Variants in NTRK3 observed in about 807,000 individuals in gnomAD.
The protein encoded by NTRK3 is NT-3 growth factor receptor.
In NTRK3, 24 loss-of-function variants were observed where a neutral mutation model predicts 91.7. The ratio of observed to expected loss-of-function variants is 0.26; its 90% CI spans 0.19 to 0.37. NTRK3 has a LOEUF of 0.37. NTRK3 is among the 10% of genes least tolerant of loss of function. The pLI is 1.00. For missense variants in NTRK3, 880 were observed against 1,068.9 expected, an observed-to-expected ratio of 0.82 and a Z score of 2.46; for synonymous variants, 483 against 404.0, an observed-to-expected ratio of 1.20 and a Z score of -2.34.
chr15:88,085,575 A>G (rs559997961), intron 13 of NTRK3, among the ~76,000 whole-genome samples: 1 of 152,314 alleles, frequency 6.6e-6, no homozygotes, highest in Admixed American at 6.5e-5. Context: ...AAACCCAGCC[A>G]ACCCACAGGC....
intron 11 of NTRK3, among the ~76,000 whole-genome samples, chr15:88,127,779 C>T (rs1330475990): frequency 6.6e-6 from 1 of 152,172 alleles, no homozygotes; most frequent in East Asian, 1.9e-4. Context: ...GATTTCAGAA[C>T]ACAAGGGCAG....
chr15:88,004,996 A>G (rs535394040), intron 14 of NTRK3, among the ~76,000 whole-genome samples: 8 of 152,324 alleles, frequency 5.3e-5, no homozygotes, highest in African/African-American at 1.9e-4. Context: ...TACAGATGAG[A>G]AAAATGAGGC....
At chr15:88,202,163 T>C (rs1004489131) in intron 3 of NTRK3, among the ~76,000 whole-genome samples, 43 of 152,308 alleles carry the variant, frequency 2.8e-4, no homozygotes, top group African/African-American at 1.0e-3. Flanking sequence ...TTCCTCCTGG[T>C]CTTCGTTTCT....
intron 13 of NTRK3, among the ~76,000 whole-genome samples, chr15:88,096,343 A>G (rs2049597365): frequency 6.6e-6 from 1 of 152,166 alleles, no homozygotes; most frequent in African/African-American, 2.4e-5. Flanking sequence ...GGCTTATATA[A>G]AAGAATATGG....
chr15:88,169,718 C>G (rs1000149164), intron 5 of NTRK3, among the ~76,000 whole-genome samples: 2 of 152,184 alleles, frequency 1.3e-5, no homozygotes, highest in Admixed American at 1.3e-4. Context: ...TCCCACAGGC[C>G]TAGGCCCTGC....
intron 16 of NTRK3, among the ~76,000 whole-genome samples, chr15:87,932,428 T>G (rs1414145387): frequency 6.6e-6 from 1 of 152,212 alleles, no homozygotes; most frequent in Non-Finnish European, 1.5e-5. Flanking sequence ...CTTTAATTAA[T>G]GTAAATCTAA....
At chr15:88,008,736 C>T (rs956627673) in intron 14 of NTRK3, among the ~76,000 whole-genome samples, 19 of 152,028 alleles carry the variant, frequency 1.2e-4, no homozygotes, top group South Asian at 2.1e-4. Context: ...ATTAAACAGA[C>T]GCTACAATTC....
intron 6 of NTRK3, among the ~76,000 whole-genome samples, chr15:88,141,480 G>A (rs912016957): frequency 6.6e-6 from 1 of 152,216 alleles, no homozygotes; most frequent in East Asian, 1.9e-4. Flanking sequence ...TGGCCACCCT[G>A]CTAGAATGAC....
intron 14 of NTRK3, chr15:87,979,489 A>C: frequency 1.3e-6 from 2 of 1,558,134 alleles, no homozygotes; most frequent in Non-Finnish European, 1.8e-6. Flanking sequence ...AGAAAAAAAA[A>C]CAGAAAAAAG....
In NTRK3 at chr15:88,198,552, T is replaced by C. The variant is rs74027800; in HGVS notation, c.249-14253A>G. 3.7e-3 allele frequency among the ~76,000 whole-genome samples: 559 copies of C among 152,360 alleles called. 1 individual carries two copies. The highest frequency in any genetic ancestry group is 0.013 in the African/African-American group (530 of 41,574). On this transcript the variant is annotated intron_variant, in intron 3 of 18. Transcript: ENST00000394480. ...CTGAGAAATTTTTCTAGGTGGCTGC[T>C]GATGTATGTATGTAATCCTGTCACC...
At chr15:87,987,185 C>T (rs1052614985) in intron 14 of NTRK3, among the ~76,000 whole-genome samples, 7 of 152,176 alleles carry the variant, frequency 4.6e-5, no homozygotes, top group Non-Finnish European at 7.3e-5. Flanking sequence ...GAAGAGATCC[C>T]TAAATTTAGT....
intron 3 of NTRK3, among the ~76,000 whole-genome samples, chr15:88,227,019 G>A (rs772330896): frequency 6.6e-6 from 1 of 152,202 alleles, no homozygotes; most frequent in Non-Finnish European, 1.5e-5. Flanking sequence ...TACAGAGATA[G>A]AGGATGCTCT....
At chr15:88,219,346 T>C (rs1158339332) in intron 3 of NTRK3, among the ~76,000 whole-genome samples, 2 of 152,246 alleles carry the variant, frequency 1.3e-5, no homozygotes, top group Non-Finnish European at 2.9e-5. Context: ...GACAGCCCCC[T>C]GAAACCCACA....
At chr15:88,056,195 TATATATA>T (rs1415824102) in intron 13 of NTRK3, among the ~76,000 whole-genome samples, 120 of 98,566 alleles carry the variant, frequency 1.2e-3, no homozygotes, top group African/African-American at 3.0e-3. Flanking sequence ...TATATATATA[TATATATA>T]TTTTTTTTTT....
chr15:87,973,538 G>T (rs1472469737), intron 14 of NTRK3, among the ~76,000 whole-genome samples: 3 of 152,176 alleles, frequency 2.0e-5, no homozygotes, highest in Non-Finnish European at 4.4e-5. Context: ...AGTATAGGGG[G>T]TGGTAACAGT....
At chr15:88,027,664 G>A (rs890070471) in intron 14 of NTRK3, among the ~76,000 whole-genome samples, 10 of 152,204 alleles carry the variant, frequency 6.6e-5, no homozygotes, top group Non-Finnish European at 5.9e-5. Context: ...TTACAGGCGT[G>A]AGCCACCGTG....
At chr15:88,156,367 A>T (rs1346769021) in intron 5 of NTRK3, among the ~76,000 whole-genome samples, 4 of 152,118 alleles carry the variant, frequency 2.6e-5, no homozygotes, top group Non-Finnish European at 4.4e-5. Flanking sequence ...GGCCCACCTA[A>T]TCAAGTCCAA....
chr15:88,139,086 A>G (rs146366156), intron 6 of NTRK3, among the ~76,000 whole-genome samples: 1 of 152,212 alleles, frequency 6.6e-6, no homozygotes, highest in Non-Finnish European at 1.5e-5. Flanking sequence ...CTGCTGACAC[A>G]GAGATGAAGA....
At chr15:87,931,277 C>T (rs763169188) in intron 16 of NTRK3, 1 of 512,744 alleles carries the variant, frequency 2.0e-6, no homozygotes, top group Non-Finnish European at 3.9e-6. Context: ...TAGGGCATGC[C>T]CTTTGGGCCC....
Sources: allele counts gnomAD v4.1 joint callset (sites outside exome capture counted in the v4.1 genomes callset), GRCh38; gene constraint gnomAD v4.1.1; transcripts MANE v1.5; gene names NCBI Gene and HGNC (gene_info 2026-07-23, HGNC 2026-07-21).